The following RASGRP1 variants were observed in gnomAD, a reference collection of about 807,000 sequenced individuals.
RASGRP1 encodes the protein RAS guanyl releasing protein 1, also known as RAS guanyl-releasing protein 1.
RASGRP1 carries 37 observed loss-of-function variants against 95.1 expected under a neutral mutation model. The observed-to-expected ratio is 0.39, with a 90% CI of 0.30 to 0.51. RASGRP1 has a LOEUF of 0.51. RASGRP1 is among the 20% of genes least tolerant of loss of function. RASGRP1 has a pLI of 0.80. For missense variants in RASGRP1, 711 were observed against 965.4 expected, an observed-to-expected ratio of 0.74 and a Z score of 3.49; for synonymous variants, 325 against 353.4, an observed-to-expected ratio of 0.92 and a Z score of 0.90.
At chr15:38,499,060 T>G in intron 14 of RASGRP1, 114 bp from the exon 15 acceptor site, 1 of 1,387,912 alleles carries the variant, frequency 7.2e-7, no homozygotes, top group South Asian at 1.2e-5. Context: ...TTCTATCTTC[T>G]GGAGCTAAGA....
chr15:38,542,904 T>TACACATATATGTGTATAC (rs1566933563), intron 2 of RASGRP1, among the ~76,000 whole-genome samples: 1 of 141,320 alleles, frequency 7.1e-6, no homozygotes, highest in South Asian at 2.2e-4. Flanking sequence ...TGTATATATA[T>TACACATATATGTGTATAC]ACACATATAT....
intron 1 of RASGRP1, among the ~76,000 whole-genome samples, chr15:38,561,554 A>G (rs962667129): frequency 2.0e-5 from 3 of 152,266 alleles, no homozygotes; most frequent in Non-Finnish European, 4.4e-5. Context: ...TGCTAGGCAC[A>G]TGTGGGTTTT....
chr15:38,500,552 G>A (rs1157564835), intron 13 of RASGRP1, among the ~76,000 whole-genome samples: 1 of 151,926 alleles, frequency 6.6e-6, no homozygotes, highest in Non-Finnish European at 1.5e-5. Context: ...CACCATGTTA[G>A]GTGGGCTGGT....
intron 1 of RASGRP1, among the ~76,000 whole-genome samples, chr15:38,563,842 G>A (rs1893911554): frequency 6.6e-6 from 1 of 152,216 alleles, no homozygotes; most frequent in African/African-American, 2.4e-5. Flanking sequence ...AGTCCCATCA[G>A]TGTCGATGTG....
At chr15:38,504,481 C>T (rs1260498219) in intron 10 of RASGRP1, 2 of 152,070 alleles carry the variant, frequency 1.3e-5, no homozygotes, top group African/African-American at 4.8e-5. Context: ...TACAATTACA[C>T]TCATTGGCCT....
intron 15 of RASGRP1, among the ~76,000 whole-genome samples, chr15:38,497,868 CTTG>C (rs1890855746): frequency 6.6e-6 from 1 of 152,088 alleles, no homozygotes; most frequent in African/African-American, 2.4e-5. Context: ...TAGGATTTTC[CTTG>C]TATGATTTGG....
At position 38,489,298 on chromosome 15, in the gene RASGRP1, G is replaced by C. The variant is rs912923365; in HGVS notation, c.*1256C>G. On this transcript the variant is annotated 3_prime_UTR_variant, in exon 17 of 17. Transcript: ENST00000310803. ...AAAAGAGGCTGACAAATGAATTTGT[G>C]AATAGGTGCCCAGGCAACTAAATGA... 8.6e-5 allele frequency: 13 copies of C among 151,508 alleles called. No homozygotes were observed. Among genetic ancestry groups the C allele is most frequent in the African/African-American group, 3.2e-4 (13 of 41,248 alleles). 9.4% of individuals were successfully genotyped at this position (151,508 alleles called of 1,614,324 possible).
chr15:38,492,617 A>T (rs1890633051), intron 16 of RASGRP1, among the ~76,000 whole-genome samples: 1 of 152,170 alleles, frequency 6.6e-6, no homozygotes, highest in African/African-American at 2.4e-5. Flanking sequence ...AGTAGTGTTG[A>T]TATTAACGTA....
chr15:38,551,997 A>G (rs1185341555), intron 2 of RASGRP1, among the ~76,000 whole-genome samples: 2 of 152,252 alleles, frequency 1.3e-5, no homozygotes, highest in South Asian at 2.1e-4. Flanking sequence ...TAGAGATAGC[A>G]TATAATACAT....
At chr15:38,500,220 C>G in intron 13 of RASGRP1, 81 bp from the exon 14 acceptor site, 2 of 1,416,834 alleles carry the variant, frequency 1.4e-6, no homozygotes, top group Non-Finnish European at 2.0e-6. Flanking sequence ...CTTTATTTTC[C>G]TTCATTTTAC....
At chr15:38,563,775 C>T (rs1189292444) in intron 1 of RASGRP1, among the ~76,000 whole-genome samples, 3 of 152,158 alleles carry the variant, frequency 2.0e-5, no homozygotes, top group African/African-American at 7.2e-5. Flanking sequence ...ATTATAAGCA[C>T]GGGAAGTCCA....
chr15:38,560,127 T>C (rs1893746822), intron 1 of RASGRP1, 122 bp from the exon 2 acceptor site: 1 of 897,754 alleles, frequency 1.1e-6, no homozygotes, highest in Non-Finnish European at 1.7e-6. Flanking sequence ...ATAGAAGCCA[T>C]ACCCCTCCCA....
chr15:38,503,276 A>G lies in RASGRP1; in HGVS notation c.1424T>C (p.Val475Ala). ...GCTGAACACAGCTGTACTTACATCC[A>G]CCATCCTCTGGACGTGTTTGCTAAT... ...KTISKHVQRMVDSVFKNYDHD... is the reference protein window; with the variant it reads ...KTISKHVQRMADSVFKNYDHD... The change falls in exon 11 of 17, where the codon GTG (valine) becomes GCG (alanine). Residue 475 changes from valine (V) to alanine (A), a missense_variant. By Grantham distance (64) the Val-to-Ala change is moderately conservative (BLOSUM62 0). Coordinates refer to ENST00000310803, the MANE Select transcript of RASGRP1 (RefSeq NM_005739.4). 1 of 1,605,888 alleles carries G rather than the reference A, an allele frequency of 6.2e-7. No homozygotes were observed. Among genetic ancestry groups the G allele is most frequent in the Non-Finnish European group, 8.5e-7 (1 of 1,173,786 alleles).
chr15:38,552,552 C>A (rs1414699953), intron 2 of RASGRP1, among the ~76,000 whole-genome samples: 1 of 152,104 alleles, frequency 6.6e-6, no homozygotes, highest in Non-Finnish European at 1.5e-5. Flanking sequence ...GAACACGGAG[C>A]TGGGAAAAGA....
intron 2 of RASGRP1, among the ~76,000 whole-genome samples, chr15:38,545,538 T>A (rs1308028914): frequency 6.9e-6 from 1 of 144,516 alleles, no homozygotes; most frequent in Non-Finnish European, 1.5e-5. Context: ...TCCCTGACAG[T>A]TTTTTTTTTT....
intron 2 of RASGRP1, among the ~76,000 whole-genome samples, 178 bp from the exon 3 acceptor site, chr15:38,526,582 C>G (rs1370320300): frequency 6.6e-6 from 1 of 152,140 alleles, no homozygotes. Context: ...TCTTCCCTTG[C>G]AGAATGTCCA....
At chr15:38,545,537 GT>G (rs762448317) in intron 2 of RASGRP1, among the ~76,000 whole-genome samples, 34 of 143,836 alleles carry the variant, frequency 2.4e-4, no homozygotes, top group South Asian at 1.1e-3. Flanking sequence ...TTCCCTGACA[GT>G]TTTTTTTTTT....
rs1026168933 is a variant in RASGRP1 at position 38,494,558 on chromosome 15, G to A, written c.2083C>T (p.Pro695Ser). The change falls in exon 16 of 17, where the codon CCA (proline) becomes TCA (serine). Residue 695 changes from proline (P) to serine (S), a missense_variant. Physicochemically the swap from Pro to Ser is moderately conservative, Grantham distance 74. This residue lies in a region of RASGRP1 where 212 missense variants were observed against 247.8 expected (regional missense o/e 0.86). Coordinates refer to ENST00000310803, the MANE Select transcript of RASGRP1 (RefSeq NM_005739.4). ...GPSGPFVLSS[P>S]RKTAQDTLYV... ...AGAGTATCCTGGGCTGTCTTCCTTG[G>A]GGAAGACAGCACAAAGGGACCTGAA... 3.2e-6 allele frequency: 5 copies of A among 1,579,188 alleles called. No individual in the cohort carries two copies. The East Asian group carries it at 6.9e-5, about 22-fold the overall frequency.
chr15:38,542,902 TATAC>T lies in RASGRP1; in HGVS notation c.221-16502_221-16499del, dbSNP rs1566933554. On this transcript the variant is annotated intron_variant, in intron 2 of 16. Coordinates refer to ENST00000310803, the MANE Select transcript of RASGRP1 (RefSeq NM_005739.4). Reference sequence around the variant, plus strand: ...ATATATACACATATATGTGTATATATATACACATATATATGTGTGTATATATATG... The same window carrying T: ...ATATATACACATATATGTGTATATATACATATATATGTGTGTATATATATG... 1.5e-3 allele frequency among the ~76,000 whole-genome samples: 223 copies of T among 145,402 alleles called. 1 individual carries two copies. The highest frequency in any genetic ancestry group is 2.8e-3 in the Non-Finnish European group (183 of 66,348).
Sources: allele counts gnomAD v4.1 joint callset (sites outside exome capture counted in the v4.1 genomes callset), GRCh38; gene constraint gnomAD v4.1.1; regional missense constraint gnomAD v4.1.1; transcripts MANE v1.5; gene names NCBI Gene and HGNC (gene_info 2026-07-23, HGNC 2026-07-21).